The following MLLT3 variants were observed in gnomAD, a reference collection of about 807,000 sequenced individuals.
MLLT3 encodes MLLT3 super elongation complex subunit.
In MLLT3, 4 loss-of-function variants were observed where a neutral mutation model predicts 53.2. That is an observed-to-expected ratio of 0.08 (90% CI 0.04 to 0.17). MLLT3 has a LOEUF of 0.17. MLLT3 is among the 10% of genes least tolerant of loss of function. The pLI is 1.00. For missense variants in MLLT3, 569 were observed against 684.0 expected (o/e 0.83, Z 1.87); for synonymous variants, 283 against 230.6 (o/e 1.23, Z -2.06).
Position 20,622,413 on chromosome 9 carries a change from C to CGCTT in MLLT3, c.-161_-158dup. 1.5e-6 allele frequency: 1 copy of CGCTT among 655,720 alleles called. No individual in the cohort carries two copies. Among genetic ancestry groups the CGCTT allele is most frequent in the Non-Finnish European group, 2.5e-6 (1 of 394,760 alleles). The allele number at this position is 655,720 out of a possible 1,614,324, so 40.6% of individuals were successfully genotyped here. On this transcript the variant is annotated 5_prime_UTR_variant, in exon 1 of 11. Coordinates refer to ENST00000380338, the MANE Select transcript of MLLT3 (RefSeq NM_004529.4). Reference sequence around the variant, plus strand: ...TTCTCTGCCTTTTTCCCCCCGCGCTCGCTTGCTCGCTCGCTCGCTTATTAA... The same window carrying CGCTT: ...TTCTCTGCCTTTTTCCCCCCGCGCTCGCTTGCTTGCTCGCTCGCTCGCTTATTAA...
At chr9:20,357,955 C>T (rs2118622933) in intron 8 of MLLT3, among the ~76,000 whole-genome samples, 1 of 147,758 alleles carries the variant, frequency 6.8e-6, no homozygotes, top group South Asian at 2.1e-4. Context: ...TGTCTCTCTC[C>T]CCCTACTTTT....
chr9:20,359,884 G>C (rs1473645220), intron 8 of MLLT3, among the ~76,000 whole-genome samples: 1 of 152,198 alleles, frequency 6.6e-6, no homozygotes, highest in Non-Finnish European at 1.5e-5. Flanking sequence ...ATGGTAATGA[G>C]AGTATCAATT....
chr9:20,544,620 T>C lies in MLLT3; in HGVS notation c.193+76034A>G, dbSNP rs542242287. Among the ~76,000 whole-genome samples, 5 of 152,342 alleles carry C rather than the reference T, an allele frequency of 3.3e-5. No homozygotes were observed. In the South Asian group the frequency reaches 1.0e-3, roughly 32 times the overall value. On this transcript the variant is annotated intron_variant, in intron 2 of 10. Transcript: ENST00000380338. ...AAGGATGTAAAGAAATTAGAATCCT[T>C]GTGCACTGTCATTGGGGATACAAAA...
intron 5 of MLLT3, among the ~76,000 whole-genome samples, chr9:20,400,312 T>C (rs184273493): frequency 9.2e-5 from 14 of 152,218 alleles, no homozygotes; most frequent in Non-Finnish European, 1.3e-4. Context: ...GGAGAACCTA[T>C]AGATTAAAGA....
chr9:20,556,654 G>T (rs562527648), intron 2 of MLLT3, among the ~76,000 whole-genome samples: 1 of 152,256 alleles, frequency 6.6e-6, no homozygotes, highest in African/African-American at 2.4e-5. Context: ...CTGCACTCCA[G>T]CCTGGGCGAA....
chr9:20,543,448 G>T (rs1278756878), intron 2 of MLLT3, among the ~76,000 whole-genome samples: 1 of 152,168 alleles, frequency 6.6e-6, no homozygotes, highest in Non-Finnish European at 1.5e-5. Context: ...TATCTTCAAA[G>T]ATCACTAGTC....
chr9:20,342,883 T>C lies in MLLT3; in HGVS notation c.*3560A>G, dbSNP rs1820771582. 1.1e-5 allele frequency: 2 copies of C among 180,708 alleles called. No homozygotes were observed. The highest frequency in any genetic ancestry group is 4.0e-4 in the South Asian group (2 of 5,040). The allele number at this position is 180,708 out of a possible 1,614,324, so 11.2% of individuals were successfully genotyped here. A position where few individuals can be genotyped will look rare whatever the true frequency, so the allele number is the denominator to read the frequency against. Reference sequence around the variant, plus strand: ...ATAAATATAGGAGCAGTACATAGCATTAGTACACAAAACGCTAAAGGTGGA... The same window carrying C: ...ATAAATATAGGAGCAGTACATAGCACTAGTACACAAAACGCTAAAGGTGGA... On this transcript the variant is annotated 3_prime_UTR_variant, in exon 11 of 11. Transcript: ENST00000380338.
intron 5 of MLLT3, among the ~76,000 whole-genome samples, chr9:20,404,029 C>T (rs1822520898): frequency 6.6e-6 from 1 of 152,058 alleles, no homozygotes; most frequent in Non-Finnish European, 1.5e-5. Flanking sequence ...CCATGTTGCC[C>T]AGACTGGTCT....
intron 4 of MLLT3, among the ~76,000 whole-genome samples, chr9:20,416,533 T>C (rs1822877028): frequency 6.6e-6 from 1 of 152,132 alleles, no homozygotes; most frequent in South Asian, 2.1e-4. Context: ...CATTGGTATC[T>C]GACACAGCTT....
chr9:20,556,860 A>T (rs987457260), intron 2 of MLLT3, among the ~76,000 whole-genome samples: 2 of 152,122 alleles, frequency 1.3e-5, no homozygotes, highest in African/African-American at 4.8e-5. Flanking sequence ...TATTATGTAA[A>T]AGGCCTATTT....
At chr9:20,617,167 A>T (rs929221287) in intron 2 of MLLT3, among the ~76,000 whole-genome samples, 2 of 152,170 alleles carry the variant, frequency 1.3e-5, no homozygotes, top group Non-Finnish European at 2.9e-5. Flanking sequence ...TTTGTTCCTT[A>T]TATCTTTTAA....
chr9:20,573,598 T>TA (rs1188519544), intron 2 of MLLT3, among the ~76,000 whole-genome samples: 1 of 152,214 alleles, frequency 6.6e-6, no homozygotes, highest in African/African-American at 2.4e-5. Flanking sequence ...AAGTAGATGT[T>TA]AAAAAGCTTT....
At chr9:20,347,810 T>C (rs1189749283) in intron 10 of MLLT3, among the ~76,000 whole-genome samples, 1 of 152,200 alleles carries the variant, frequency 6.6e-6, no homozygotes, top group Non-Finnish European at 1.5e-5. Flanking sequence ...AGGTCAATAA[T>C]CTTAAAAAAG....
chr9:20,518,731 CCTT>C (rs1174240326), intron 2 of MLLT3, among the ~76,000 whole-genome samples: 4 of 152,170 alleles, frequency 2.6e-5, no homozygotes, highest in Non-Finnish European at 4.4e-5. Context: ...TGTATGGAGT[CCTT>C]CTCAATAATG....
At chr9:20,520,666 A>G (rs1587018977) in intron 2 of MLLT3, among the ~76,000 whole-genome samples, 1 of 152,248 alleles carries the variant, frequency 6.6e-6, no homozygotes, top group Non-Finnish European at 1.5e-5. Flanking sequence ...GGGAGACAGT[A>G]CAGACTTCCC....
intron 4 of MLLT3, among the ~76,000 whole-genome samples, chr9:20,434,645 T>G (rs1823358309): frequency 1.3e-5 from 2 of 152,218 alleles, no homozygotes; most frequent in African/African-American, 4.8e-5. Context: ...AACAAAGGCT[T>G]CCTTATACAA....
chr9:20,564,112 T>C (rs953595533), intron 2 of MLLT3, among the ~76,000 whole-genome samples: 1 of 152,154 alleles, frequency 6.6e-6, no homozygotes, highest in African/African-American at 2.4e-5. Flanking sequence ...GGCCTATCTT[T>C]CAGCAAACAA....
intron 2 of MLLT3, among the ~76,000 whole-genome samples, chr9:20,566,591 A>G (rs1055631795): frequency 2.0e-5 from 3 of 152,142 alleles, no homozygotes; most frequent in African/African-American, 7.2e-5. Context: ...ACTCTATAAG[A>G]GCAAGAAATG....
intron 2 of MLLT3, among the ~76,000 whole-genome samples, chr9:20,481,248 A>G (rs761203319): frequency 2.6e-5 from 4 of 152,216 alleles, no homozygotes; most frequent in Non-Finnish European, 4.4e-5. Flanking sequence ...CACATATTAC[A>G]TGCAGACAGC....
Sources: gnomAD v4.1 joint callset for allele counts (sites outside exome capture counted in the v4.1 genomes callset) on GRCh38, gnomAD v4.1.1 for gene constraint, MANE v1.5 for transcripts, NCBI Gene and HGNC (gene_info 2026-07-23, HGNC 2026-07-21) for gene names.